The following ERC2 variants were observed in gnomAD, a reference collection of about 807,000 sequenced individuals.
The protein encoded by ERC2 is ELKS/RAB6-interacting/CAST family member 2.
In ERC2, 42 loss-of-function variants were observed where a neutral mutation model predicts 114.8. That is an observed-to-expected ratio of 0.37 (90% CI 0.29 to 0.47). ERC2 has a LOEUF of 0.47. ERC2 is among the 20% of genes least tolerant of loss of function. The pLI, the probability that ERC2 is intolerant of heterozygous loss-of-function variation, is 0.99. For missense variants in ERC2, 939 were observed against 1,150.7 expected (o/e 0.82, Z 2.66); for synonymous variants, 454 against 425.5 (o/e 1.07, Z -0.82).
At chr3:55,971,039 T>C (rs779258098) in intron 12 of ERC2, among the ~76,000 whole-genome samples, 21 of 152,290 alleles carry the variant, frequency 1.4e-4, no homozygotes, top group Admixed American at 5.2e-4. Context: ...TACTATAACA[T>C]GGATGAAACT....
intron 13 of ERC2, among the ~76,000 whole-genome samples, chr3:55,924,256 G>C (rs1437030774): frequency 6.6e-6 from 1 of 152,052 alleles, no homozygotes; most frequent in African/African-American, 2.4e-5. Context: ...TCTGCCAAGG[G>C]CCAGACAGTA....
intron 3 of ERC2, among the ~76,000 whole-genome samples, chr3:56,240,978 T>G (rs1430448330): frequency 6.6e-6 from 1 of 152,170 alleles, no homozygotes; most frequent in African/African-American, 2.4e-5. Flanking sequence ...TCTCCTTTCC[T>G]CTCCCCCATT....
intron 2 of ERC2, among the ~76,000 whole-genome samples, chr3:56,324,526 A>G (rs2057270672): frequency 6.6e-6 from 1 of 152,210 alleles, no homozygotes; most frequent in Non-Finnish European, 1.5e-5. Context: ...TTGCACCATC[A>G]TAAAGTCAAA....
At chr3:56,291,290 G>A (rs552197504) in intron 3 of ERC2, among the ~76,000 whole-genome samples, 4 of 152,346 alleles carry the variant, frequency 2.6e-5, no homozygotes, top group Admixed American at 2.0e-4. Context: ...GACAATGCTA[G>A]TGAGTAATGC....
intron 14 of ERC2, among the ~76,000 whole-genome samples, chr3:55,814,613 T>C (rs2059842290): frequency 6.6e-6 from 1 of 152,252 alleles, no homozygotes; most frequent in Admixed American, 6.5e-5. Flanking sequence ...AGGTGGTCAA[T>C]CTTTCTATAG....
intron 3 of ERC2, among the ~76,000 whole-genome samples, chr3:56,253,184 C>T (rs938135793): frequency 6.6e-6 from 1 of 152,084 alleles, no homozygotes; most frequent in Non-Finnish European, 1.5e-5. Context: ...GAGACCATTC[C>T]CTTCTCTCAA....
intron 6 of ERC2, among the ~76,000 whole-genome samples, chr3:56,104,001 C>T (rs1376071176): frequency 6.6e-6 from 1 of 152,168 alleles, no homozygotes; most frequent in Non-Finnish European, 1.5e-5. Flanking sequence ...GCACTGTAAA[C>T]AACCAGTGAA....
chr3:55,853,458 G>A (rs376054014), intron 14 of ERC2, among the ~76,000 whole-genome samples: 2 of 152,198 alleles, frequency 1.3e-5, no homozygotes, highest in East Asian at 3.9e-4. Context: ...CCAGGAGGTT[G>A]AGGCTGCCAT....
At chr3:56,062,610 G>T (rs750431126) in intron 7 of ERC2, among the ~76,000 whole-genome samples, 7 of 152,100 alleles carry the variant, frequency 4.6e-5, no homozygotes, top group Non-Finnish European at 1.0e-4. Context: ...TTTAAAAATA[G>T]TTAAATGCTA....
At chr3:55,991,320 A>C (rs1258599785) in intron 11 of ERC2, among the ~76,000 whole-genome samples, 2 of 152,180 alleles carry the variant, frequency 1.3e-5, no homozygotes, top group African/African-American at 2.4e-5. Context: ...AAATCTGCAG[A>C]GGTTATGGAG....
chr3:55,818,981 G>A (rs1313853235), intron 14 of ERC2, among the ~76,000 whole-genome samples: 1 of 152,170 alleles, frequency 6.6e-6, no homozygotes, highest in Non-Finnish European at 1.5e-5. Flanking sequence ...AGAGTACCTT[G>A]CAAGATTGGC....
chr3:56,007,244 A>T lies in ERC2; in HGVS notation c.1998T>A (p.Ser666=). 6.3e-7 allele frequency: 1 copy of T among 1,587,614 alleles called. No homozygotes were observed. The highest frequency in any genetic ancestry group is 8.6e-7 in the Non-Finnish European group (1 of 1,165,542). The part of the protein sequence containing the change: ...AGLKRDSKLK[S]LEIAIEQKKE... ...TCTTTTGTTCAATGGCTATTTCTAG[A>T]GATTTTAATTTGGAATCCCTTTTCA... is the stretch of plus-strand genomic sequence containing the variant. Residue 666 remains serine, a synonymous_variant, in exon 10 of 18, where the codon TCT becomes TCA. Coordinates refer to ENST00000288221, the MANE Select transcript of ERC2 (RefSeq NM_015576.3).
At chr3:55,942,301 T>TTTTTTTTTG (rs1559906638) in intron 13 of ERC2, among the ~76,000 whole-genome samples, 3 of 120,842 alleles carry the variant, frequency 2.5e-5, no homozygotes, top group African/African-American at 1.0e-4. Context: ...TTTTTTTTTT[T>TTTTTTTTTG]TTGTTGAGAC....
rs140475757 is a variant in ERC2 at position 55,595,689 on chromosome 3, A to C, written c.*40-84413T>G. Among the ~76,000 whole-genome samples the C allele has an allele frequency of 2.1e-3, 321 of 152,332 alleles. 1 individual carries two copies. Among genetic ancestry groups the C allele is most frequent in the African/African-American group, 6.1e-3 (255 of 41,570 alleles). On this transcript the variant is annotated intron_variant, in intron 17 of 17. Transcript: ENST00000288221. Reference sequence around the variant, plus strand: ...GCAGTTTAAAAACTGACAATTCAACAGTTTTACAGGAGCTATTTAATGTTT... The same window carrying C: ...GCAGTTTAAAAACTGACAATTCAACCGTTTTACAGGAGCTATTTAATGTTT...
At chr3:55,848,584 C>T (rs891265830) in intron 14 of ERC2, among the ~76,000 whole-genome samples, 2 of 152,204 alleles carry the variant, frequency 1.3e-5, no homozygotes, top group African/African-American at 4.8e-5. Flanking sequence ...CCTATCCATT[C>T]TCAACTCCCA....
chr3:55,539,515 C>A (rs2054247334), intron 17 of ERC2, among the ~76,000 whole-genome samples: 1 of 145,704 alleles, frequency 6.9e-6, no homozygotes. Context: ...CTGCACCTCC[C>A]AGGTTCACAC....
chr3:55,985,955 A>G (rs1001300725), intron 12 of ERC2, 22 bp downstream of exon 12: 3 of 1,538,358 alleles, frequency 2.0e-6, no homozygotes, highest in Non-Finnish European at 1.7e-6. Flanking sequence ...AGGCAGTTAG[A>G]AGAAAAACTG....
chr3:55,610,548 CAA>C (rs3221356), intron 17 of ERC2: 2 of 152,276 alleles, frequency 1.3e-5, no homozygotes, highest in East Asian at 1.9e-4. Context: ...CACACACACA[CAA>C]AGTAGCCAGG....
At chr3:55,770,449 G>C (rs1405421461) in intron 14 of ERC2, among the ~76,000 whole-genome samples, 1 of 152,110 alleles carries the variant, frequency 6.6e-6, no homozygotes, top group African/African-American at 2.4e-5. Flanking sequence ...TAACATCAGA[G>C]CTGTATTCCT....
Sources: allele counts gnomAD v4.1 joint callset (sites outside exome capture counted in the v4.1 genomes callset), GRCh38; gene constraint gnomAD v4.1.1; transcripts MANE v1.5; gene names NCBI Gene and HGNC (gene_info 2026-07-23, HGNC 2026-07-21).